PSG6: variants seen among roughly 807,000 people sequenced by gnomAD.
PSG6 encodes the protein pregnancy-specific beta-1-glycoprotein 6.
In PSG6, 51 loss-of-function variants were observed where a neutral mutation model predicts 43.3. The ratio of observed to expected loss-of-function variants is 1.18; its 90% confidence interval spans 0.94 to 1.49. PSG6 has a LOEUF of 1.49. Ranked by LOEUF, PSG6 falls within the 40% of genes most tolerant of loss-of-function variation. PSG6 has a pLI of 0.00. For synonymous variants in PSG6, 292 were observed against 197.6 expected (o/e 1.48, Z -4.01); for missense variants, 770 against 522.2 (o/e 1.47, Z -4.62).
chr19:42,917,491 A>T lies in PSG6; in HGVS notation c.64+238T>A, dbSNP rs1457549887. Among the ~76,000 whole-genome samples the T allele has an allele frequency of 1.4e-4, 21 of 149,630 alleles. 1 individual carries two copies. The highest frequency in any genetic ancestry group is 4.0e-4 in the Admixed American group (6 of 14,962). On this transcript the variant is annotated intron_variant, in intron 1 of 5. Transcript: ENST00000187910. ...TGATTATCCTGCCTCAGCCTCCCGAAAGCTGGGATTACAGGAGCACACCAC... is the reference window on the plus strand; with the variant it reads ...TGATTATCCTGCCTCAGCCTCCCGATAGCTGGGATTACAGGAGCACACCAC...
In PSG6 at chr19:42,903,835, G is replaced by T. The variant is rs542050256; in HGVS notation, c.1241-1389C>A. The T allele has an allele frequency of 5.5e-4, 749 of 1,356,468 alleles. 9 individuals carry two copies. The highest frequency in any genetic ancestry group is 6.5e-4 in the Non-Finnish European group (668 of 1,034,544). The allele number at this position is 1,356,468 out of a possible 1,614,324, so 84.0% of individuals were successfully genotyped here. On this transcript the variant is annotated intron_variant, in intron 5 of 5. Coordinates refer to ENST00000187910, the MANE Select transcript of PSG6 (RefSeq NM_001031850.4). Reference sequence around the variant, plus strand: ...TTGAGCCCAGGAGGTTGAGGCTGCAGTGAGCCATAATCACACCACTGTATT... The same window carrying T: ...TTGAGCCCAGGAGGTTGAGGCTGCATTGAGCCATAATCACACCACTGTATT...
chr19:42,917,752 G>T lies in PSG6; in HGVS notation c.41C>A (p.Thr14Asn), dbSNP rs535810933. ...LSAPPCTQHI[T>N]WKGLLLTASL... Reference sequence around the variant, plus strand: ...ACCTGTGAGCAGGAGCCCCTTCCAGGTGATGTGCTGAGTGCAGGGAGGGGC... The same window carrying T: ...ACCTGTGAGCAGGAGCCCCTTCCAGTTGATGTGCTGAGTGCAGGGAGGGGC... Residue 14 changes from threonine to asparagine, a missense_variant, in exon 1 of 6, where the codon ACC becomes AAC. By Grantham distance (65) the Thr-to-Asn change is moderately conservative (BLOSUM62 0). Coordinates refer to ENST00000187910, the MANE Select transcript of PSG6 (RefSeq NM_001031850.4). 40 of 1,610,262 alleles carry T rather than the reference G, an allele frequency of 2.5e-5. 2 individuals carry two copies. The South Asian group carries it at 3.8e-4, about 15-fold the overall frequency.
Position 42,910,779 on chromosome 19 carries a change from A to G in PSG6, c.507T>C (p.Asp169=), listed in dbSNP as rs1600545137. The G allele has an allele frequency of 1.9e-6, 3 of 1,612,222 alleles. No homozygotes were observed. The highest frequency in any genetic ancestry group is 1.7e-5 in the Admixed American group (1 of 59,872). ...EVMEAVRLIC[D]PETPDASYLW... ...GGTAGCTTGCATCCGGAGTCTCAGG[A>G]TCACAGATTAAGCGCACAGCCTCCA... The change falls in exon 3 of 6, where the codon GAT becomes GAC. Residue 169 remains aspartate (D), a synonymous_variant. Transcript: ENST00000187910.
intron 2 of PSG6, among the ~76,000 whole-genome samples, chr19:42,911,068 T>G (rs1359467062): frequency 6.6e-6 from 1 of 151,532 alleles, no homozygotes; most frequent in Non-Finnish European, 1.5e-5. Context: ...AAGCATGGAC[T>G]TTCTCAAATG....
At chr19:42,913,312 A>T (rs1404355220) in intron 2 of PSG6, among the ~76,000 whole-genome samples, 1 of 151,458 alleles carries the variant, frequency 6.6e-6, no homozygotes, top group African/African-American at 2.4e-5. Flanking sequence ...CACCATGCCC[A>T]GCTAATTTTT....
At chr19:42,905,104 C>T (rs1972091361) in intron 5 of PSG6, among the ~76,000 whole-genome samples, 1 of 151,568 alleles carries the variant, frequency 6.6e-6, no homozygotes, top group Non-Finnish European at 1.5e-5. Context: ...GAACCTTTAC[C>T]TAACACCATG....
intron 2 of PSG6, 48 bp from the exon 3 acceptor site, chr19:42,910,906 C>T (rs765881328): frequency 3.2e-6 from 5 of 1,549,938 alleles, no homozygotes; most frequent in Non-Finnish European, 4.3e-6. Flanking sequence ...ACCTTTGATT[C>T]CTCCAAAGGC....
chr19:42,914,045 TA>T (rs1197947853), intron 2 of PSG6, among the ~76,000 whole-genome samples: 2 of 151,696 alleles, frequency 1.3e-5, no homozygotes, highest in Admixed American at 6.6e-5. Flanking sequence ...TTTTATTTTA[TA>T]TTTTTTTGTG....
intron 5 of PSG6, chr19:42,903,754 A>C (rs1295393574): frequency 1.3e-6 from 2 of 1,515,198 alleles, no homozygotes; most frequent in Admixed American, 2.3e-5. Flanking sequence ...TTAGCTGGGC[A>C]TGTTGACATG....
chr19:42,916,997 T>C (rs546299765), intron 1 of PSG6, among the ~76,000 whole-genome samples: 1 of 151,640 alleles, frequency 6.6e-6, no homozygotes, highest in Admixed American at 6.6e-5. Context: ...TTTGTCATGT[T>C]GGTTGCACCC....
intron 5 of PSG6, among the ~76,000 whole-genome samples, chr19:42,904,751 G>T (rs1225598460): frequency 6.6e-6 from 1 of 151,566 alleles, no homozygotes; most frequent in Non-Finnish European, 1.5e-5. Flanking sequence ...ATTCCTATCA[G>T]AATCTCAGTG....
chr19:42,907,717 T>G lies in PSG6; in HGVS notation c.844A>C (p.Ser282Arg). 6.2e-7 allele frequency: 1 copy of G among 1,610,892 alleles called. No homozygotes were observed. Among genetic ancestry groups the G allele is most frequent in the Non-Finnish European group, 8.5e-7 (1 of 1,179,122 alleles). The change falls in exon 4 of 6, where the codon AGT becomes CGT. Residue 282 changes from serine to arginine, a missense_variant. Ser to Arg is a moderately radical substitution (Grantham distance 110, BLOSUM62 -1). Transcript: ENST00000187910. ...TCAATGGGTCGCTTTACCCTCGGAC[T>G]GACCGGGAGGCTCTGACCATTTAGC... ...WWLNGQSLPV[S>R]PRVKRPIENR...
chr19:42,916,478 A>G lies in PSG6; in HGVS notation c.74T>C (p.Leu25Ser), dbSNP rs766350188. ...AGTGGTGGGCAGGTTCCAGAAGTTT[A>G]AAAGTGATGCTAGGAGGTAGAGACA... ...WKGLLLTASL[L>S]NFWNLPTTAQ... Residue 25 changes from leucine (L) to serine (S), a missense_variant, in exon 2 of 6, where the codon TTA becomes TCA. Coordinates refer to ENST00000187910, the MANE Select transcript of PSG6 (RefSeq NM_001031850.4). The G allele has an allele frequency of 6.2e-7, 1 of 1,609,934 alleles. No homozygotes were observed. Among genetic ancestry groups the G allele is most frequent in the African/African-American group, 1.3e-5 (1 of 74,634 alleles).
At chr19:42,917,363 CTTTT>C (rs35188962) in intron 1 of PSG6, among the ~76,000 whole-genome samples, 4 of 123,332 alleles carry the variant, frequency 3.2e-5, no homozygotes, top group Non-Finnish European at 5.0e-5. Context: ...TCTTTTTATT[CTTTT>C]TTTTTTTTTT....
Position 42,907,820 on chromosome 19 carries a change from G to T in PSG6, c.741C>A (p.Asn247Lys), listed in dbSNP as rs753941588. 6.2e-7 allele frequency: 1 copy of T among 1,611,708 alleles called. No individual in the cohort carries two copies. Among genetic ancestry groups the T allele is most frequent in the Non-Finnish European group, 8.5e-7 (1 of 1,179,084 alleles). Residue 247 changes from asparagine (N) to lysine (K), a missense_variant, in exon 4 of 6, where the codon AAC becomes AAA. Asn to Lys is a moderately conservative substitution (Grantham distance 94, BLOSUM62 0). Coordinates refer to ENST00000187910, the MANE Select transcript of PSG6 (RefSeq NM_001031850.4). ...KLPMPYITIN[N>K]LNPREKKDVL... is the part of the protein sequence containing the mutation. ...CATCCTTCTTCTCCCTGGGGTTTAA[G>T]TTGTTGATGGTGATGTAAGGCATGG...
rs1972144332 is a variant in PSG6 at position 42,907,739 on chromosome 19, T to C, written c.822A>G (p.Leu274=). 6.2e-7 allele frequency: 1 copy of C among 1,610,860 alleles called. No homozygotes were observed. The highest frequency in any genetic ancestry group is 1.1e-5 in the South Asian group (1 of 90,768). ...KSRNYTYIWW[L]NGQSLPVSPR... ...GACTGACCGGGAGGCTCTGACCATT[T>C]AGCCACCAAATGTAGGTGTAGTTCC... Residue 274 remains leucine (L), a synonymous_variant, in exon 4 of 6, where the codon CTA becomes CTG. Coordinates refer to ENST00000187910, the MANE Select transcript of PSG6 (RefSeq NM_001031850.4).
chr19:42,908,579 C>T (rs1309138607), intron 3 of PSG6, among the ~76,000 whole-genome samples: 1 of 151,686 alleles, frequency 6.6e-6, no homozygotes, highest in African/African-American at 2.4e-5. Context: ...AGCATGTTCC[C>T]TGTCCTGGGT....
Position 42,916,436 on chromosome 19 carries a change from T to C in PSG6, c.116A>G (p.Glu39Gly), listed in dbSNP as rs769876193. 6.2e-7 allele frequency: 1 copy of C among 1,611,988 alleles called. No homozygotes were observed. The highest frequency in any genetic ancestry group is 2.2e-5 in the East Asian group (1 of 44,756). ...CTCGGAAACTTTGGGTGGCTTGGCT[T>C]CAATTATTACTTGGGCAGTGGTGGG... ...NLPTTAQVII[E>G]AKPPKVSEGK... The change falls in exon 2 of 6, where the codon GAA becomes GGA. Residue 39 changes from glutamate to glycine, a missense_variant. Glu to Gly is a moderately conservative substitution (Grantham distance 98). Transcript: ENST00000187910.
At chr19:42,910,346 T>G (rs867399526) in intron 3 of PSG6, 4 of 1,092,324 alleles carry the variant, frequency 3.7e-6, no homozygotes, top group South Asian at 3.3e-5. Flanking sequence ...ACCTGTTTCT[T>G]CCATCACAAG....
Sources: allele counts gnomAD v4.1 joint callset (sites outside exome capture counted in the v4.1 genomes callset), GRCh38; gene constraint gnomAD v4.1.1; transcripts MANE v1.5; gene names NCBI Gene and HGNC (gene_info 2026-07-23, HGNC 2026-07-21).